Variants in NRG3 observed in about 807,000 individuals in gnomAD.
The protein encoded by NRG3 is neuregulin 3, also known as pro-neuregulin-3, membrane-bound isoform.
A neutral mutation model predicts 66.9 loss-of-function variants in NRG3; 31 were observed. The ratio of observed to expected loss-of-function variants is 0.46; its 90% CI spans 0.35 to 0.63. The LOEUF (loss-of-function observed/expected upper bound fraction) is 0.63. Among genes scored for constraint, NRG3 ranks in the 20% least tolerant of loss-of-function variants. The pLI is 0.00. For synonymous variants in NRG3, 393 were observed against 359.4 expected (o/e 1.09, Z -1.06); for missense variants, 910 against 878.9 (o/e 1.04, Z -0.45).
At chr10:82,895,516 C>T (rs961477424) in intron 4 of NRG3, among the ~76,000 whole-genome samples, 3 of 136,066 alleles carry the variant, frequency 2.2e-5, no homozygotes, top group Non-Finnish European at 3.1e-5. Flanking sequence ...GACAGAGTCT[C>T]GTCTCGCTCT....
rs188513792 is a variant in NRG3 at position 82,971,726 on chromosome 10, C to T, written c.1285-2062C>T. Among the ~76,000 whole-genome samples, 114 of 152,202 alleles carry T rather than the reference C, an allele frequency of 7.5e-4. 1 individual carries two copies. The highest frequency in any genetic ancestry group is 1.4e-3 in the Non-Finnish European group (92 of 68,008). ...TTCTGGGATTACAGTCGTGAGCCACCGTGCCTAGCCTGAGAAAGCCTTTCA... is the reference window on the plus strand; with the variant it reads ...TTCTGGGATTACAGTCGTGAGCCACTGTGCCTAGCCTGAGAAAGCCTTTCA... On this transcript the variant is annotated intron_variant, in intron 6 of 8. Coordinates refer to ENST00000372141, the MANE Select transcript of NRG3 (RefSeq NM_001010848.4).
intron 6 of NRG3, among the ~76,000 whole-genome samples, chr10:82,973,454 T>C (rs1851952568): frequency 6.6e-6 from 1 of 152,198 alleles, no homozygotes; most frequent in Non-Finnish European, 1.5e-5. Context: ...TGGTAAGATG[T>C]ACATCAACTA....
At chr10:82,139,050 T>C (rs1453636671) in intron 1 of NRG3, among the ~76,000 whole-genome samples, 1 of 152,146 alleles carries the variant, frequency 6.6e-6, no homozygotes, top group African/African-American at 2.4e-5. Flanking sequence ...CACTCAACCT[T>C]AACCATCACA....
At chr10:82,644,164 C>T (rs1376041280) in intron 2 of NRG3, among the ~76,000 whole-genome samples, 1 of 152,058 alleles carries the variant, frequency 6.6e-6, no homozygotes, top group African/African-American at 2.4e-5. Flanking sequence ...CCTAATGCTC[C>T]TTATATAAAC....
chr10:82,137,110 TG>T (rs1028165437), intron 1 of NRG3, among the ~76,000 whole-genome samples: 2 of 152,188 alleles, frequency 1.3e-5, no homozygotes, highest in Non-Finnish European at 2.9e-5. Context: ...AAACAAATGT[TG>T]GAGGGTTCTA....
chr10:82,194,316 G>A (rs1250776741), intron 1 of NRG3, among the ~76,000 whole-genome samples: 2 of 152,158 alleles, frequency 1.3e-5, no homozygotes, highest in African/African-American at 4.8e-5. Context: ...TAGGTGGAGG[G>A]GCACATGGGT....
At chr10:82,497,350 G>A (rs1033842454) in intron 2 of NRG3, among the ~76,000 whole-genome samples, 1 of 152,128 alleles carries the variant, frequency 6.6e-6, no homozygotes, top group Non-Finnish European at 1.5e-5. Context: ...TATACAAAAT[G>A]AGTTTTTGAA....
intron 2 of NRG3, among the ~76,000 whole-genome samples, chr10:82,678,938 G>T (rs936441899): frequency 1.8e-4 from 28 of 152,160 alleles, no homozygotes; most frequent in African/African-American, 6.3e-4. Context: ...TCACAAATAT[G>T]CCACTCTTAT....
intron 1 of NRG3, among the ~76,000 whole-genome samples, chr10:82,071,185 C>T (rs2064785563): frequency 6.6e-6 from 1 of 152,012 alleles, no homozygotes; most frequent in African/African-American, 2.4e-5. Context: ...GTTGGGTACC[C>T]ATGAAGACAC....
At chr10:82,349,798 G>A (rs1025860551) in intron 1 of NRG3, among the ~76,000 whole-genome samples, 3 of 152,204 alleles carry the variant, frequency 2.0e-5, no homozygotes, top group Non-Finnish European at 2.9e-5. Context: ...TCGGAAAAGC[G>A]CAGTATTCGG....
chr10:82,462,349 C>T (rs2091556294), intron 2 of NRG3, among the ~76,000 whole-genome samples: 1 of 151,794 alleles, frequency 6.6e-6, no homozygotes, highest in Non-Finnish European at 1.5e-5. Flanking sequence ...CTCTGCTGCT[C>T]TACCTTTATT....
chr10:82,294,279 C>A (rs2079920115), intron 1 of NRG3, among the ~76,000 whole-genome samples: 1 of 152,098 alleles, frequency 6.6e-6, no homozygotes, highest in African/African-American at 2.4e-5. Flanking sequence ...GTAAAATTAA[C>A]CTTGGATTGA....
chr10:82,178,980 T>G (rs545328304), intron 1 of NRG3, among the ~76,000 whole-genome samples: 2 of 152,244 alleles, frequency 1.3e-5, no homozygotes, highest in South Asian at 4.1e-4. Flanking sequence ...TTTTCATTTT[T>G]CTGATGATCA....
chr10:82,646,198 G>T (rs532403316), intron 2 of NRG3, among the ~76,000 whole-genome samples: 1 of 152,042 alleles, frequency 6.6e-6, no homozygotes, highest in Non-Finnish European at 1.5e-5. Flanking sequence ...GAGAAACATC[G>T]TAAACAAAAG....
chr10:82,910,250 A>G (rs1482380178), intron 4 of NRG3, among the ~76,000 whole-genome samples: 1 of 152,218 alleles, frequency 6.6e-6, no homozygotes, highest in East Asian at 1.9e-4. Context: ...AAGTTTGCCA[A>G]TGTCATCACT....
At chr10:82,122,386 A>G (rs1340061284) in intron 1 of NRG3, among the ~76,000 whole-genome samples, 3 of 152,124 alleles carry the variant, frequency 2.0e-5, no homozygotes, top group East Asian at 3.9e-4. Context: ...TATGGCACAG[A>G]TGCATGAGTT....
At chr10:82,471,633 G>T (rs1841274454) in intron 2 of NRG3, among the ~76,000 whole-genome samples, 1 of 152,116 alleles carries the variant, frequency 6.6e-6, no homozygotes, top group Non-Finnish European at 1.5e-5. Flanking sequence ...GTTTGCGACT[G>T]GGCACGGTGG....
intron 2 of NRG3, among the ~76,000 whole-genome samples, chr10:82,664,679 A>AAT (rs1334772056): frequency 6.6e-6 from 1 of 151,902 alleles, no homozygotes; most frequent in East Asian, 1.9e-4. Flanking sequence ...AATTTGATGG[A>AAT]ATATGTTTCA....
chr10:82,285,943 C>T (rs1029026215), intron 1 of NRG3, among the ~76,000 whole-genome samples: 11 of 152,046 alleles, frequency 7.2e-5, no homozygotes, highest in Non-Finnish European at 1.5e-4. Context: ...TAAGAATATC[C>T]TTGAGGTTCC....
Sources: allele counts gnomAD v4.1 joint callset (sites outside exome capture counted in the v4.1 genomes callset), GRCh38; gene constraint gnomAD v4.1.1; transcripts MANE v1.5; gene names NCBI Gene and HGNC (gene_info 2026-07-23, HGNC 2026-07-21).